Variants in ZNF540 observed in about 807,000 individuals in gnomAD.
ZNF540 encodes the protein zinc finger protein 540.
ZNF540 carries 3 observed loss-of-function variants against 11.8 expected under a neutral mutation model. The observed-to-expected ratio is 0.25, with a 90% confidence interval of 0.12 to 0.65. The LOEUF (loss-of-function observed/expected upper bound fraction) is 0.65, where lower values mean the gene tolerates loss of function less well. Ranked by LOEUF, ZNF540 falls within the 30% of genes least tolerant of loss-of-function variation. The pLI is 0.83. For synonymous variants in ZNF540, 247 were observed against 259.0 expected, an observed-to-expected ratio of 0.95 and a Z score of 0.45; for missense variants, 709 against 793.1, an observed-to-expected ratio of 0.89 and a Z score of 1.27.
chr19:37,583,884 C>T, intron 1 of ZNF540: 1 of 1,402,144 alleles, frequency 7.1e-7, no homozygotes, highest in Non-Finnish European at 9.7e-7. Flanking sequence ...GTAAGCCTTT[C>T]CTTAGGGAAT....
intron 1 of ZNF540, among the ~76,000 whole-genome samples, chr19:37,567,903 A>G (rs1251112538): frequency 1.3e-5 from 2 of 152,194 alleles, no homozygotes; most frequent in Admixed American, 1.3e-4. Context: ...TCCCCAGAAC[A>G]CAGTATACAT....
chr19:37,585,696 C>G (rs915316936), intron 1 of ZNF540: 1 of 152,198 alleles, frequency 6.6e-6, no homozygotes, highest in Non-Finnish European at 1.5e-5. Flanking sequence ...CTTAAACTTT[C>G]AAGTGACAAG....
chr19:37,611,377 T>C, intron 4 of ZNF540, 136 bp from the exon 5 acceptor site: 4 of 668,428 alleles, frequency 6.0e-6, no homozygotes, highest in Non-Finnish European at 7.3e-6. Flanking sequence ...ATTATATAAC[T>C]TTATTGAAAT....
At chr19:37,556,293 A>C in intron 1 of ZNF540, 1 of 600,420 alleles carries the variant, frequency 1.7e-6, no homozygotes, top group Non-Finnish European at 3.0e-6. Context: ...CGCAAAGGAC[A>C]TAACAGGCAA....
At chr19:37,602,541 T>C (rs1260139569) in intron 4 of ZNF540, among the ~76,000 whole-genome samples, 1 of 152,188 alleles carries the variant, frequency 6.6e-6, no homozygotes, top group Non-Finnish European at 1.5e-5. Flanking sequence ...AGATATCGAC[T>C]GTCTGGTCCT....
chr19:37,589,864 CAAAAAA>C (rs60136941), upstream of ZNF540, among the ~76,000 whole-genome samples: 20 of 29,586 alleles, frequency 6.8e-4, no homozygotes, highest in Non-Finnish European at 9.9e-4. Context: ...GACTCCATCT[CAAAAAA>C]AAAAAAAAAA....
chr19:37,577,484 A>G lies in ZNF540; in HGVS notation c.-72-20892A>G, dbSNP rs16974030. On this transcript the variant is annotated intron_variant, in intron 1 of 4. Transcript: ENST00000592533. Reference sequence around the variant, plus strand: ...CTTCAGGTGCTACAGAAAAAGTATCATAATGCAAAGATGAAAGAATATTAA... The same window carrying G: ...CTTCAGGTGCTACAGAAAAAGTATCGTAATGCAAAGATGAAAGAATATTAA... Among the ~76,000 whole-genome samples, 1,228 of 152,348 alleles carry G rather than the reference A, an allele frequency of 8.1e-3. 13 individuals are homozygous for G. The highest frequency in any genetic ancestry group is 0.028 in the African/African-American group (1,160 of 41,570).
Position 37,612,660 on chromosome 19 carries a change from T to C in ZNF540, c.1380T>C (p.Leu460=). 1 of 1,614,086 alleles carries C rather than the reference T, an allele frequency of 6.2e-7. No homozygotes were observed. Among genetic ancestry groups the C allele is most frequent in the Middle Eastern group, 1.6e-4 (1 of 6,062 alleles). The part of the protein sequence containing the change: ...LRSVLTEHQR[L]HTGVKPYECK... ...CAGTCCTTACTGAACATCAGAGACT[T>C]CATACTGGTGTGAAGCCCTACGAAT... Residue 460 remains leucine, a synonymous_variant, in exon 5 of 5, where the codon CTT becomes CTC. Coordinates refer to ENST00000316433, the MANE Select transcript of ZNF540 (RefSeq NM_001172225.3).
chr19:37,614,056 G>C lies in ZNF540; in HGVS notation c.*793G>C, dbSNP rs994655265. The C allele has an allele frequency of 1.0e-5, 4 of 393,584 alleles. No individual in the cohort carries two copies. Among genetic ancestry groups the C allele is most frequent in the African/African-American group, 8.2e-5 (4 of 48,552 alleles). 24.4% of individuals were successfully genotyped at this position (393,584 alleles called of 1,614,324 possible). A position where few individuals can be genotyped will look rare whatever the true frequency, so the allele number is the denominator to read the frequency against. On this transcript the variant is annotated 3_prime_UTR_variant, in exon 5 of 5. Transcript: ENST00000316433. ...CTGGCACCTTGACCTTGGACTTTCA[G>C]CCTCCAAAACTGTGAGAAATAAACC...
At chr19:37,598,539 TC>T (rs1716442711) in intron 2 of ZNF540, 83 bp downstream of exon 2, 1 of 1,512,946 alleles carries the variant, frequency 6.6e-7, no homozygotes, top group Non-Finnish European at 9.2e-7. Context: ...TGCTGACACT[TC>T]CTAAGAATTT....
intron 1 of ZNF540, among the ~76,000 whole-genome samples, chr19:37,580,359 A>G (rs960324713): frequency 2.0e-5 from 3 of 152,208 alleles, no homozygotes; most frequent in Non-Finnish European, 2.9e-5. Context: ...ACTGATTCCC[A>G]TATTTTCAGG....
rs145593505 is a variant in ZNF540, at chr19:37,569,016, G to A, written c.-73+17351G>A. Among the ~76,000 whole-genome samples, 4 of 151,496 alleles carry A rather than the reference G, an allele frequency of 2.6e-5. No individual in the cohort carries two copies. Among genetic ancestry groups the A allele is most frequent in the East Asian group, 1.9e-4 (1 of 5,178 alleles). On this transcript the variant is annotated intron_variant, in intron 1 of 4. Transcript: ENST00000592533. This position sits in a 1 kb window ranked among gnomAD's most constrained non-coding sequence, Gnocchi z 4.4. ...CTGTCATCCAGGCTGGAGTGCAGTC[G>A]TGCCATCTCAGCTCACTGCAACCTC...
intron 1 of ZNF540, among the ~76,000 whole-genome samples, chr19:37,576,160 G>GT (rs2043236278): frequency 6.6e-6 from 1 of 152,118 alleles, no homozygotes; most frequent in South Asian, 2.1e-4. Flanking sequence ...TTAAAAGTTT[G>GT]TTTTTTACTA....
At chr19:37,586,826 C>T in intron 1 of ZNF540, 2 of 806,228 alleles carry the variant, frequency 2.5e-6, no homozygotes, top group Non-Finnish European at 4.0e-6. Flanking sequence ...CTTTACTTCT[C>T]CTCTTTTGGG....
upstream of ZNF540, among the ~76,000 whole-genome samples, chr19:37,593,689 C>T (rs550243695): frequency 1.1e-4 from 16 of 152,058 alleles, 1 homozygote; most frequent in South Asian, 4.2e-4. Context: ...GGCGACACAG[C>T]GAGAATCCGT....
chr19:37,603,278 C>T (rs1175395955), intron 4 of ZNF540, among the ~76,000 whole-genome samples: 5 of 152,016 alleles, frequency 3.3e-5, no homozygotes, highest in South Asian at 2.1e-4. Flanking sequence ...AAGTGCTGGG[C>T]GTGAGCCACC....
At chr19:37,587,197 T>G (rs1409139312) in intron 1 of ZNF540, 7 of 152,856 alleles carry the variant, frequency 4.6e-5, no homozygotes, top group Non-Finnish European at 1.0e-4. Flanking sequence ...AATCTAGTTC[T>G]TTCTTGCCTG....
In ZNF540 at chr19:37,612,988, C is replaced by G; in HGVS notation, c.1708C>G (p.Gln570Glu). The G allele has an allele frequency of 6.2e-7, 1 of 1,614,120 alleles. No individual in the cohort carries two copies. The highest frequency in any genetic ancestry group is 8.5e-7 in the Non-Finnish European group (1 of 1,179,996). ...TCGGCGTGGGCAGTTCACTGAACAT[C>G]AGAAAATTCATACGGGTGTAAAACC... ...FSRRGQFTEH[Q>E]KIHTGVKPYK... Residue 570 changes from glutamine (Q) to glutamate (E), a missense_variant, in exon 5 of 5, where the codon CAG becomes GAG. Transcript: ENST00000316433.
In ZNF540 at chr19:37,569,506, T is replaced by TA. The variant is rs1338228554; in HGVS notation, c.-73+17845dup. On this transcript the variant is annotated intron_variant, in intron 1 of 4. Coordinates refer to the ZNF540 transcript ENST00000592533. The surrounding 1 kb of genome is among the most constrained non-coding windows in gnomAD (Gnocchi z 4.4). Reference sequence around the variant, plus strand: ...ATGACTGAGTACACACACTCAAACATAAAACAAGGATGTCATAAAATTATC... The same window carrying TA: ...ATGACTGAGTACACACACTCAAACATAAAAACAAGGATGTCATAAAATTATC... Among the ~76,000 whole-genome samples, 1 of 152,172 alleles carries TA rather than the reference T, an allele frequency of 6.6e-6. No homozygotes were observed. Among genetic ancestry groups the TA allele is most frequent in the African/African-American group, 2.4e-5 (1 of 41,444 alleles).
Sources: gnomAD v4.1 joint callset for allele counts (sites outside exome capture counted in the v4.1 genomes callset) on GRCh38, gnomAD v4.1.1 for gene constraint, Gnocchi (gnomAD v3.1) non-coding constraint, MANE v1.5 for transcripts, NCBI Gene and HGNC (gene_info 2026-07-23, HGNC 2026-07-21) for gene names.